Variants in GSPT1 observed in about 807,000 individuals in gnomAD.
GSPT1 encodes the protein G1 to S phase transition 1, also known as eukaryotic peptide chain release factor GTP-binding subunit ERF3A.
A neutral mutation model predicts 72.5 loss-of-function variants in GSPT1; 20 were observed. That is an observed-to-expected ratio of 0.28 (90% CI 0.19 to 0.40). The LOEUF is 0.40. Among genes scored for constraint, GSPT1 ranks in the 10% least tolerant of loss-of-function variants. The pLI, the probability that GSPT1 is intolerant of heterozygous loss-of-function variation, is 1.00. For synonymous variants in GSPT1, 334 were observed against 293.5 expected, an observed-to-expected ratio of 1.14 and a Z score of -1.41; for missense variants, 580 against 811.9, an observed-to-expected ratio of 0.71 and a Z score of 3.47.
intron 1 of GSPT1, among the ~76,000 whole-genome samples, chr16:11,911,226 C>T (rs1232947093): frequency 6.6e-6 from 1 of 152,176 alleles, no homozygotes; most frequent in Non-Finnish European, 1.5e-5. Context: ...CTGGATTAAA[C>T]AACCATTACT....
intron 14 of GSPT1, among the ~76,000 whole-genome samples, chr16:11,873,881 A>G (rs756353253): frequency 2.0e-5 from 3 of 152,180 alleles, no homozygotes; most frequent in East Asian, 1.9e-4. Context: ...GAGCCACCAC[A>G]CTGGGCCAAA....
chr16:11,892,515 AAAAAAAAC>A (rs1596466223), intron 5 of GSPT1, among the ~76,000 whole-genome samples: 4 of 132,676 alleles, frequency 3.0e-5, no homozygotes, highest in African/African-American at 6.2e-5. Context: ...TCAAAAAAAC[AAAAAAAAC>A]AAAAAAAACA....
intron 11 of GSPT1, among the ~76,000 whole-genome samples, chr16:11,879,935 A>G (rs540736695): frequency 2.7e-4 from 41 of 152,288 alleles, no homozygotes; most frequent in African/African-American, 9.4e-4. Flanking sequence ...AATTAAATAC[A>G]TTTAAAATAT....
rs1267048597 is a variant in GSPT1 at position 11,892,690 on chromosome 16, G to A, written c.699-1551C>T. Among the ~76,000 whole-genome samples, 16 of 150,900 alleles carry A rather than the reference G, an allele frequency of 1.1e-4. No individual in the cohort carries two copies. In the East Asian group the frequency reaches 1.8e-3, roughly 17 times the overall value. On this transcript the variant is annotated intron_variant, in intron 5 of 14. Coordinates refer to ENST00000434724, the MANE Select transcript of GSPT1 (RefSeq NM_002094.4). ...AAAAATACAAAAAAATTAGCCAGAC[G>A]TGGTGGTGCATGCCTGTAATCCCAG...
chr16:11,895,008 C>G, intron 4 of GSPT1, 21 bp from the exon 5 acceptor site: 2 of 1,568,628 alleles, frequency 1.3e-6, no homozygotes, highest in Non-Finnish European at 8.7e-7. Context: ...CATCAACATG[C>G]AAACCATAGG....
rs756251401 is a variant in GSPT1 at position 11,870,955 on chromosome 16, G to C, written c.*2164C>G. ...CAAACATAACTTATTTTTTAAAAAT[G>C]TGTTCTATTTAGAAAGGGAACTCTT... On this transcript the variant is annotated 3_prime_UTR_variant, in exon 15 of 15. Coordinates refer to ENST00000434724, the MANE Select transcript of GSPT1 (RefSeq NM_002094.4). 6.6e-6 allele frequency: 1 copy of C among 152,134 alleles called. No individual in the cohort carries two copies. Among genetic ancestry groups the C allele is most frequent in the Admixed American group, 6.5e-5 (1 of 15,274 alleles). The allele number at this position is 152,134 out of a possible 1,614,324, so 9.4% of individuals were successfully genotyped here.
intron 11 of GSPT1, among the ~76,000 whole-genome samples, chr16:11,880,593 G>A (rs1052203099): frequency 4.6e-5 from 7 of 152,188 alleles, no homozygotes; most frequent in Non-Finnish European, 8.8e-5. Flanking sequence ...TTCCGAAAGT[G>A]CAGGGATTAT....
chr16:11,902,152 G>A (rs1255593947), intron 1 of GSPT1, among the ~76,000 whole-genome samples: 1 of 151,458 alleles, frequency 6.6e-6, no homozygotes, highest in Non-Finnish European at 1.5e-5. Context: ...GGAGGCCGAG[G>A]CGGGTGGATC....
intron 1 of GSPT1, among the ~76,000 whole-genome samples, chr16:11,902,568 C>T (rs1163023440): frequency 6.6e-6 from 1 of 150,672 alleles, no homozygotes; most frequent in Non-Finnish European, 1.5e-5. Flanking sequence ...CTGTGATACA[C>T]ATGATAAACT....
intron 1 of GSPT1, among the ~76,000 whole-genome samples, chr16:11,912,663 A>C (rs932231635): frequency 1.3e-5 from 2 of 152,184 alleles, no homozygotes; most frequent in Admixed American, 1.3e-4. Context: ...CCAGTTTCTT[A>C]TCTAACAATA....
At chr16:11,886,644 T>C in intron 8 of GSPT1, 33 bp from the exon 9 acceptor site, 1 of 1,582,316 alleles carries the variant, frequency 6.3e-7, no homozygotes, top group Non-Finnish European at 8.7e-7. Context: ...ATAACTCAAT[T>C]ATAATGTAAA....
intron 1 of GSPT1, chr16:11,908,432 C>CT (rs2054514607): frequency 6.6e-6 from 1 of 150,498 alleles, no homozygotes; most frequent in South Asian, 2.1e-4. Flanking sequence ...CAAGACCATC[C>CT]TGGCCAACAT....
At chr16:11,882,065 G>A (rs1344074240) in intron 11 of GSPT1, 1 of 152,158 alleles carries the variant, frequency 6.6e-6, no homozygotes, top group Non-Finnish European at 1.5e-5. Flanking sequence ...GGCAAATCAC[G>A]AGGTTAGGAG....
intron 1 of GSPT1, among the ~76,000 whole-genome samples, chr16:11,912,672 T>A (rs2054575881): frequency 6.6e-6 from 1 of 151,992 alleles, no homozygotes; most frequent in South Asian, 2.1e-4. Context: ...TATCTAACAA[T>A]AAAAAAAACT....
intron 11 of GSPT1, among the ~76,000 whole-genome samples, chr16:11,879,871 T>A (rs900347373): frequency 6.6e-6 from 1 of 152,234 alleles, no homozygotes; most frequent in African/African-American, 2.4e-5. Context: ...AAAATACATG[T>A]AACAAAATTT....
chr16:11,879,284 A>G (rs192310004), intron 11 of GSPT1, among the ~76,000 whole-genome samples: 27 of 151,240 alleles, frequency 1.8e-4, no homozygotes, highest in Admixed American at 1.5e-3. Flanking sequence ...AATCCCAGCT[A>G]CTCGGGAGGC....
Position 11,903,513 on chromosome 16 carries a change from T to A in GSPT1, c.353-5478A>T, listed in dbSNP as rs112820587. ...CTGGGCATAACAGTGAGACTCTGTC[T>A]CAAAAAAATTAAATAAAATAAAAAT... On this transcript the variant is annotated intron_variant, in intron 1 of 14. Coordinates refer to ENST00000434724, the MANE Select transcript of GSPT1 (RefSeq NM_002094.4). Among the ~76,000 whole-genome samples, 442 of 152,102 alleles carry A rather than the reference T, an allele frequency of 2.9e-3. 5 individuals are homozygous for A. Among genetic ancestry groups the A allele is most frequent in the African/African-American group, 0.01 (422 of 41,480 alleles).
At position 11,868,423 on chromosome 16, in the gene GSPT1, C is replaced by G. The variant is rs2053943155; in HGVS notation, c.*4696G>C. 1 of 149,248 alleles carries G rather than the reference C, an allele frequency of 6.7e-6. No individual in the cohort carries two copies. Among genetic ancestry groups the G allele is most frequent in the South Asian group, 2.1e-4 (1 of 4,710 alleles). The allele number at this position is 149,248 out of a possible 1,614,324, so 9.2% of individuals were successfully genotyped here. A position where few individuals can be genotyped will look rare whatever the true frequency, so the allele number is the denominator to read the frequency against. On this transcript the variant is annotated 3_prime_UTR_variant, in exon 15 of 15. Coordinates refer to ENST00000434724, the MANE Select transcript of GSPT1 (RefSeq NM_002094.4). ...CCTGCTGTCTAGCGAAAACTAGTCA[C>G]TAAGTCCTGGCCTGAGAGATACCCA...
chr16:11,886,689 G>T lies in GSPT1; in HGVS notation c.1113-78C>A, dbSNP rs1050043620. ...CTAGTTTCCTAAGTAAACAGATTAAGGTTTAGAAAAACCCTAGAGAAAAAG... is the reference window on the plus strand; with the variant it reads ...CTAGTTTCCTAAGTAAACAGATTAATGTTTAGAAAAACCCTAGAGAAAAAG... On this transcript the variant is annotated intron_variant, in intron 8 of 14. Transcript: ENST00000434724. 9 of 1,548,342 alleles carry T rather than the reference G, an allele frequency of 5.8e-6. No individual in the cohort carries two copies. The Admixed American group carries it at 1.6e-4, about 27-fold the overall frequency.
Sources: allele counts gnomAD v4.1 joint callset (sites outside exome capture counted in the v4.1 genomes callset), GRCh38; gene constraint gnomAD v4.1.1; transcripts MANE v1.5; gene names NCBI Gene and HGNC (gene_info 2026-07-23, HGNC 2026-07-21).